Variants in KLHL2 observed in about 807,000 individuals in gnomAD.
The protein encoded by KLHL2 is kelch like family member 2.
Under a neutral mutation model 75.8 loss-of-function variants are expected in KLHL2, and 15 were observed. The ratio of observed to expected loss-of-function variants is 0.20; its 90% CI spans 0.13 to 0.30. The LOEUF (loss-of-function observed/expected upper bound fraction) is 0.30. Ranked by LOEUF, KLHL2 falls within the 10% of genes least tolerant of loss-of-function variation. The probability of loss-of-function intolerance (pLI) is 1.00; values close to 1 mark genes in which losing one functional copy is unlikely to be tolerated. For missense variants in KLHL2, 381 were observed against 741.0 expected, an observed-to-expected ratio of 0.51 and a Z score of 5.64; for synonymous variants, 214 against 251.9, an observed-to-expected ratio of 0.85 and a Z score of 1.42.
At chr4:165,288,246 G>A (rs896380017) in intron 5 of KLHL2, among the ~76,000 whole-genome samples, 2 of 152,108 alleles carry the variant, frequency 1.3e-5, no homozygotes, top group African/African-American at 4.8e-5. Flanking sequence ...ACAATTTGTT[G>A]AAGAGATTGT....
At chr4:165,210,280 A>G (rs951195940) in intron 1 of KLHL2, 1 of 1,156,356 alleles carries the variant, frequency 8.6e-7, no homozygotes, top group Non-Finnish European at 1.3e-6. Context: ...CTCTTTTAAC[A>G]TCCAAATTTA....
intron 4 of KLHL2, among the ~76,000 whole-genome samples, chr4:165,239,152 T>G (rs1051129115): frequency 1.3e-5 from 2 of 152,204 alleles, no homozygotes; most frequent in African/African-American, 4.8e-5. Context: ...ATGAAAACAC[T>G]GTCATATTCA....
chr4:165,231,636 G>C (rs1738901422), intron 3 of KLHL2, among the ~76,000 whole-genome samples: 1 of 152,172 alleles, frequency 6.6e-6, no homozygotes, highest in African/African-American at 2.4e-5. Flanking sequence ...TGGATAGACT[G>C]CTTTTGACTT....
At chr4:165,282,293 C>T (rs1231574771) in intron 5 of KLHL2, among the ~76,000 whole-genome samples, 1 of 152,016 alleles carries the variant, frequency 6.6e-6, no homozygotes. Flanking sequence ...TTTTACTGTA[C>T]CTTACTGAGA....
intron 9 of KLHL2, among the ~76,000 whole-genome samples, chr4:165,307,393 G>T (rs960057164): frequency 7.9e-5 from 12 of 152,156 alleles, no homozygotes; most frequent in African/African-American, 2.9e-4. Flanking sequence ...ATAGAACAAA[G>T]AATTCTGGTA....
chr4:165,309,700 G>A (rs114293813), intron 9 of KLHL2, among the ~76,000 whole-genome samples: 2,208 of 152,026 alleles, frequency 0.015, 48 homozygotes, highest in African/African-American at 0.05. Context: ...TCCTCTTTTG[G>A]TTGTTTTTCA....
chr4:165,310,659 C>T lies in KLHL2; in HGVS notation c.1146C>T (p.Ser382=), dbSNP rs751505087. Residue 382 remains serine (S), a synonymous_variant, in exon 10 of 15, where the codon AGC becomes AGT. Coordinates refer to ENST00000226725, the MANE Select transcript of KLHL2 (RefSeq NM_007246.4). The part of the protein sequence containing the change: ...SYDPVKDQWT[S]VANMRDRRST... Reference sequence around the variant, plus strand: ...ACCCTGTGAAGGACCAGTGGACCAGCGTTGCTAACATGAGAGACCGGAGAA... The same window carrying T: ...ACCCTGTGAAGGACCAGTGGACCAGTGTTGCTAACATGAGAGACCGGAGAA... 2.4e-5 allele frequency: 38 copies of T among 1,613,916 alleles called. No homozygotes were observed. The highest frequency in any genetic ancestry group is 1.3e-4 in the Admixed American group (8 of 59,984).
intron 5 of KLHL2, among the ~76,000 whole-genome samples, chr4:165,264,744 A>G (rs1301320861): frequency 7.2e-4 from 47 of 64,986 alleles, no homozygotes; most frequent in African/African-American, 1.7e-3. Context: ...ATATATGTAT[A>G]TATATATATA....
chr4:165,313,932 C>G (rs1050021371), intron 12 of KLHL2, 94 bp from the exon 13 acceptor site: 15 of 1,279,746 alleles, frequency 1.2e-5, no homozygotes, highest in Non-Finnish European at 1.6e-5. Flanking sequence ...ATTATAACTT[C>G]GAAAGTTTTA....
intron 5 of KLHL2, among the ~76,000 whole-genome samples, chr4:165,263,636 C>T (rs1741888544): frequency 6.7e-6 from 1 of 148,878 alleles, no homozygotes; most frequent in African/African-American, 2.5e-5. Flanking sequence ...CGGAGTCTTG[C>T]CCTGTCACCC....
In KLHL2 at chr4:165,270,112, G is replaced by A. The variant is rs7690581; in HGVS notation, c.544+6753G>A. Among the ~76,000 whole-genome samples, 1,477 of 152,074 alleles carry A rather than the reference G, an allele frequency of 9.7e-3. 22 individuals carry two copies. Among genetic ancestry groups the A allele is most frequent in the African/African-American group, 0.032 (1,316 of 41,482 alleles). ...ATCCTTTCTTCCACTTGGTCGAATCGGCTATTGACGCTTGTGCATGAGTCA... is the reference window on the plus strand; with the variant it reads ...ATCCTTTCTTCCACTTGGTCGAATCAGCTATTGACGCTTGTGCATGAGTCA... On this transcript the variant is annotated intron_variant, in intron 5 of 14. Coordinates refer to ENST00000226725, the MANE Select transcript of KLHL2 (RefSeq NM_007246.4).
At chr4:165,255,522 T>C (rs1741092883) in intron 4 of KLHL2, among the ~76,000 whole-genome samples, 1 of 152,150 alleles carries the variant, frequency 6.6e-6, no homozygotes, top group Non-Finnish European at 1.5e-5. Context: ...TTCCTTCCTC[T>C]TTCTGGGATG....
chr4:165,315,033 A>G (rs1001606704), intron 13 of KLHL2, among the ~76,000 whole-genome samples: 4 of 152,160 alleles, frequency 2.6e-5, no homozygotes, highest in African/African-American at 9.7e-5. Flanking sequence ...CAGAATTTAT[A>G]GTTAATTCTG....
At chr4:165,257,086 A>T (rs1741237567) in intron 4 of KLHL2, among the ~76,000 whole-genome samples, 1 of 152,186 alleles carries the variant, frequency 6.6e-6, no homozygotes, top group Admixed American at 6.5e-5. Context: ...ACTATAATTA[A>T]TAGTTCTTTA....
intron 5 of KLHL2, among the ~76,000 whole-genome samples, chr4:165,265,584 A>G (rs192929845): frequency 1.3e-5 from 2 of 152,012 alleles, no homozygotes; most frequent in African/African-American, 4.8e-5. Context: ...CTCACCATAT[A>G]TAAAACGTGT....
intron 3 of KLHL2, among the ~76,000 whole-genome samples, chr4:165,233,719 G>A (rs562863920): frequency 1.1e-4 from 16 of 152,260 alleles, no homozygotes; most frequent in African/African-American, 2.6e-4. Flanking sequence ...TTATAGTTAG[G>A]AAGAAGAAGA....
intron 7 of KLHL2, among the ~76,000 whole-genome samples, chr4:165,298,685 A>G (rs886363606): frequency 5.9e-5 from 9 of 152,254 alleles, no homozygotes; most frequent in South Asian, 2.1e-4. Flanking sequence ...GCTCACGTCT[A>G]TAATCCCAGC....
intron 5 of KLHL2, among the ~76,000 whole-genome samples, chr4:165,276,617 A>G (rs532856134): frequency 2.6e-5 from 4 of 152,234 alleles, no homozygotes; most frequent in African/African-American, 9.6e-5. Context: ...TGTGACATTA[A>G]ATATTTTGAG....
intron 5 of KLHL2, among the ~76,000 whole-genome samples, chr4:165,275,033 A>G (rs1161208348): frequency 6.6e-6 from 1 of 152,252 alleles, no homozygotes; most frequent in Admixed American, 6.5e-5. Context: ...CGCCCAGGTT[A>G]AATGGCCTAT....
Sources: allele counts gnomAD v4.1 joint callset (sites outside exome capture counted in the v4.1 genomes callset), GRCh38; gene constraint gnomAD v4.1.1; transcripts MANE v1.5; gene names NCBI Gene and HGNC (gene_info 2026-07-23, HGNC 2026-07-21).